TNNI3K: variants seen among roughly 807,000 people sequenced by gnomAD.
The protein encoded by TNNI3K is TNNI3 interacting kinase, also known as serine/threonine-protein kinase TNNI3K.
Under a neutral mutation model 114.5 loss-of-function variants are expected in TNNI3K, and 140 were observed. That is an observed-to-expected ratio of 1.22 (90% CI 1.07 to 1.41). The LOEUF (loss-of-function observed/expected upper bound fraction) is 1.41. Ranked by LOEUF, TNNI3K falls within the 40% of genes most tolerant of loss-of-function variation. The pLI, the probability that TNNI3K is intolerant of heterozygous loss-of-function variation, is 0.00. For synonymous variants in TNNI3K, 347 were observed against 347.5 expected (o/e 1.00, Z 0.02); for missense variants, 1,125 against 1,007.6 (o/e 1.12, Z -1.58).
intron 2 of TNNI3K, among the ~76,000 whole-genome samples, chr1:74,241,047 T>C (rs1654168164): frequency 6.6e-6 from 1 of 152,084 alleles, no homozygotes; most frequent in Non-Finnish European, 1.5e-5. Flanking sequence ...CTTGCAATAG[T>C]TTGCTGAGAA....
At chr1:74,296,232 C>T (rs962602257) in intron 5 of TNNI3K, among the ~76,000 whole-genome samples, 7 of 150,932 alleles carry the variant, frequency 4.6e-5, no homozygotes, top group South Asian at 2.1e-4. Context: ...GCGGAGATCG[C>T]GCCACTGTGC....
At chr1:74,277,509 T>G (rs1244897151) in intron 5 of TNNI3K, among the ~76,000 whole-genome samples, 4 of 152,174 alleles carry the variant, frequency 2.6e-5, no homozygotes, top group African/African-American at 9.7e-5. Flanking sequence ...GACTCAAAAC[T>G]AATTTCATAA....
At chr1:74,503,941 T>G (rs1415309404) in intron 23 of TNNI3K, among the ~76,000 whole-genome samples, 1 of 152,168 alleles carries the variant, frequency 6.6e-6, no homozygotes, top group Non-Finnish European at 1.5e-5. Context: ...CTTATATAGA[T>G]GGGAAAATTA....
intron 5 of TNNI3K, among the ~76,000 whole-genome samples, chr1:74,327,003 C>T (rs867862996): frequency 1.3e-5 from 2 of 151,440 alleles, no homozygotes; most frequent in Non-Finnish European, 2.9e-5. Flanking sequence ...ATTGCTTAAA[C>T]CTGGGAGGTG....
intron 17 of TNNI3K, among the ~76,000 whole-genome samples, chr1:74,383,074 C>CTT (rs967432626): frequency 1.4e-5 from 2 of 146,400 alleles, no homozygotes; most frequent in African/African-American, 5.0e-5. Context: ...TCTTTAATTT[C>CTT]TTTTTTTTTT....
chr1:74,368,704 A>G (rs1053751173), intron 13 of TNNI3K, among the ~76,000 whole-genome samples: 3 of 151,812 alleles, frequency 2.0e-5, no homozygotes, highest in Non-Finnish European at 2.9e-5. Context: ...TGAGTAGATC[A>G]GGAATAGACC....
chr1:74,371,637 A>C (rs767834417), intron 17 of TNNI3K: 3 of 151,822 alleles, frequency 2.0e-5, no homozygotes, highest in African/African-American at 7.2e-5. Context: ...TTAGTATACA[A>C]AGTGTATAAA....
intron 23 of TNNI3K, among the ~76,000 whole-genome samples, chr1:74,501,793 G>C (rs1339792421): frequency 2.0e-5 from 3 of 151,982 alleles, no homozygotes; most frequent in Non-Finnish European, 2.9e-5. Context: ...GGCCAACTTG[G>C]AGTTTTTCAT....
rs1570490786 is a variant in TNNI3K, at chr1:74,343,064, T to C, written c.828-11T>C. ...CTTACAATATTAACAAGATATTTTC[T>C]TCAAATCTAGGGCATGCTACAATGG... On this transcript the variant is annotated splice_polypyrimidine_tract_variant and intron_variant, in intron 8 of 24. Coordinates refer to ENST00000326637, the MANE Select transcript of TNNI3K (RefSeq NM_015978.3). 1.9e-6 allele frequency: 3 copies of C among 1,613,124 alleles called. No homozygotes were observed. The highest frequency in any genetic ancestry group is 4.5e-5 in the East Asian group (2 of 44,848).
Position 74,480,820 on chromosome 1 carries a change from C to T in TNNI3K, c.2122-8369C>T, listed in dbSNP as rs17095415. The T allele has an allele frequency of 1.7e-4, 119 of 717,434 alleles. 1 individual carries two copies. The highest frequency in any genetic ancestry group is 2.6e-4 in the Non-Finnish European group (102 of 385,118). The allele number at this position is 717,434 out of a possible 1,614,324, so 44.4% of individuals were successfully genotyped here. A position where few individuals can be genotyped will look rare whatever the true frequency, so the allele number is the denominator to read the frequency against. On this transcript the variant is annotated intron_variant, in intron 21 of 24. Coordinates refer to ENST00000326637, the MANE Select transcript of TNNI3K (RefSeq NM_015978.3). ...GCAACAAGGTCCGCAACATCGTAAG[C>T]CCATGCAGGGCATCTTCCTGAACAT...
chr1:74,463,422 A>C lies in TNNI3K; in HGVS notation c.2012-19A>C, dbSNP rs759372178. The C allele has an allele frequency of 6.2e-7, 1 of 1,613,914 alleles. No homozygotes were observed. The highest frequency in any genetic ancestry group is 1.7e-5 in the Admixed American group (1 of 60,016). ...TAAACATGTGAATTTCAAAACTGAC[A>C]TGACCATTTGGTTTGCAGCGGCTGC... is the stretch of plus-strand genomic sequence containing the variant. On this transcript the variant is annotated intron_variant, in intron 20 of 24. Coordinates refer to ENST00000326637, the MANE Select transcript of TNNI3K (RefSeq NM_015978.3).
At chr1:74,386,716 CT>C (rs1663498961) in intron 17 of TNNI3K, among the ~76,000 whole-genome samples, 1 of 152,138 alleles carries the variant, frequency 6.6e-6, no homozygotes, top group Admixed American at 6.5e-5. Context: ...CCAAGGTCAG[CT>C]TAGCCCAAAT....
chr1:74,544,336 T>C lies in TNNI3K; in HGVS notation c.*354T>C. ...TAGACTTGTGTTTGACAGCTATGGGTTTATTTCTTAGAACATTGTTCATTT... is the reference window on the plus strand; with the variant it reads ...TAGACTTGTGTTTGACAGCTATGGGCTTATTTCTTAGAACATTGTTCATTT... On this transcript the variant is annotated 3_prime_UTR_variant, in exon 25 of 25. Transcript: ENST00000326637. 5.3e-6 allele frequency: 1 copy of C among 189,458 alleles called. No individual in the cohort carries two copies. The highest frequency in any genetic ancestry group is 6.2e-5 in the Admixed American group (1 of 16,176). 11.7% of individuals were successfully genotyped at this position (189,458 alleles called of 1,614,324 possible). A position where few individuals can be genotyped will look rare whatever the true frequency, so the allele number is the denominator to read the frequency against.
At chr1:74,314,170 A>G (rs983596393) in intron 5 of TNNI3K, among the ~76,000 whole-genome samples, 1 of 148,284 alleles carries the variant, frequency 6.7e-6, no homozygotes, top group African/African-American at 2.5e-5. Flanking sequence ...ATATAAATAT[A>G]TATATATTTA....
chr1:74,510,423 G>T (rs1670126643), intron 23 of TNNI3K, among the ~76,000 whole-genome samples: 1 of 152,108 alleles, frequency 6.6e-6, no homozygotes, highest in African/African-American at 2.4e-5. Flanking sequence ...CAGGAGAATG[G>T]CTTGAACCCG....
intron 20 of TNNI3K, among the ~76,000 whole-genome samples, chr1:74,461,208 T>C (rs1399063231): frequency 6.6e-6 from 1 of 152,082 alleles, no homozygotes; most frequent in Non-Finnish European, 1.5e-5. Context: ...TGGCCCAGCA[T>C]GGTGCCTCAC....
At chr1:74,540,184 G>A (rs1375802524) in intron 23 of TNNI3K, 50 bp from the exon 24 acceptor site, 5 of 1,585,604 alleles carry the variant, frequency 3.2e-6, no homozygotes, top group Non-Finnish European at 2.6e-6. Context: ...TTATAAAAAT[G>A]TTATTATCAG....
chr1:74,490,050 T>TA (rs36063099), intron 22 of TNNI3K, among the ~76,000 whole-genome samples: 1,619 of 42,784 alleles, frequency 0.038, 53 homozygotes, highest in Middle Eastern at 0.056. Context: ...TTTTTTTTTC[T>TA]AAAAAAAAAA....
intron 17 of TNNI3K, among the ~76,000 whole-genome samples, chr1:74,382,251 C>T (rs953482403): frequency 3.9e-5 from 6 of 152,144 alleles, no homozygotes; most frequent in African/African-American, 1.4e-4. Flanking sequence ...TGTCACTTGA[C>T]GTTTTTCTGC....
Sources: gnomAD v4.1 joint callset for allele counts (sites outside exome capture counted in the v4.1 genomes callset) on GRCh38, gnomAD v4.1.1 for gene constraint, MANE v1.5 for transcripts, NCBI Gene and HGNC (gene_info 2026-07-23, HGNC 2026-07-21) for gene names.